Variants in ATP7B observed in about 807,000 individuals in gnomAD.
ATP7B encodes the protein ATPase copper transporting beta.
ATP7B carries 113 observed loss-of-function variants against 118.9 expected under a neutral mutation model. That is an observed-to-expected ratio of 0.95 (90% confidence interval 0.82 to 1.11). The LOEUF (loss-of-function observed/expected upper bound fraction) is 1.11. Among genes scored for constraint, ATP7B ranks in the 50% most tolerant of loss-of-function variants. The pLI, the probability that ATP7B is intolerant of heterozygous loss-of-function variation, is 0.00. For missense variants in ATP7B, 1,867 were observed against 1,871.4 expected (o/e 1.00, Z 0.04); for synonymous variants, 777 against 727.4 (o/e 1.07, Z -1.10).
rs766215788 is a variant in ATP7B at position 51,933,506 on chromosome 13, G to A, written c.*1250C>T. 1 of 152,246 alleles carries A rather than the reference G, an allele frequency of 6.6e-6. No individual in the cohort carries two copies. The highest frequency in any genetic ancestry group is 1.5e-5 in the Non-Finnish European group (1 of 68,048). The allele number at this position is 152,246 out of a possible 1,614,324, so 9.4% of individuals were successfully genotyped here. A position where few individuals can be genotyped will look rare whatever the true frequency, so the allele number is the denominator to read the frequency against. ...CCAACTCTACTAGTTTGCTCCCAAA[G>A]GGTTCTGTCAATCACAACCAACTTC... On this transcript the variant is annotated 3_prime_UTR_variant, in exon 21 of 21. Coordinates refer to ENST00000242839, the MANE Select transcript of ATP7B (RefSeq NM_000053.4).
intron 9 of ATP7B, among the ~76,000 whole-genome samples, chr13:51,953,818 G>A (rs1379160566): frequency 8.5e-6 from 1 of 117,452 alleles, no homozygotes; most frequent in Non-Finnish European, 1.7e-5. Flanking sequence ...CACTGGTCTA[G>A]ATATGATTTG....
At chr13:51,964,559 A>G (rs1275276771) in intron 5 of ATP7B, among the ~76,000 whole-genome samples, 1 of 152,202 alleles carries the variant, frequency 6.6e-6, no homozygotes, top group Non-Finnish European at 1.5e-5. Flanking sequence ...TAAAAATTAC[A>G]ATTAGGCACT....
intron 1 of ATP7B, among the ~76,000 whole-genome samples, chr13:51,999,481 C>T (rs1048200627): frequency 2.0e-5 from 3 of 152,170 alleles, no homozygotes; most frequent in Admixed American, 6.5e-5. Flanking sequence ...CTTGGCTGAA[C>T]AGTCTTGAGT....
intron 1 of ATP7B, among the ~76,000 whole-genome samples, chr13:51,981,566 G>A (rs1044978306): frequency 1.3e-5 from 2 of 152,112 alleles, no homozygotes; most frequent in East Asian, 3.9e-4. Flanking sequence ...AAATTCACAG[G>A]GGAGGGCACA....
At chr13:51,970,354 C>T in intron 3 of ATP7B, 138 bp downstream of exon 3, 1 of 1,239,916 alleles carries the variant, frequency 8.1e-7, no homozygotes, top group Non-Finnish European at 1.2e-6. Flanking sequence ...GGACATTAGA[C>T]AAACATTTAT....
Position 51,946,438 on chromosome 13 carries a change from C to A in ATP7B, c.2906G>T (p.Arg969Leu). ...KHISQTEVII[R>L]FAFQTSITVL... ...CGTGATGGACGTCTGGAAAGCAAAC[C>A]GGATGATCACCTCTGTCTGGGAGAT... is the stretch of plus-strand genomic sequence containing the variant. The change falls in exon 13 of 21, where the codon CGG becomes CTG. Residue 969 changes from arginine to leucine, a missense_variant. By Grantham distance (102) the Arg-to-Leu change is moderately radical (BLOSUM62 -2). Transcript: ENST00000242839. 6.2e-7 allele frequency: 1 copy of A among 1,614,196 alleles called. No individual in the cohort carries two copies. Among genetic ancestry groups the A allele is most frequent in the African/African-American group, 1.3e-5 (1 of 75,050 alleles).
chr13:51,975,190 T>C, intron 1 of ATP7B, 22 bp from the exon 2 acceptor site: 2 of 1,613,342 alleles, frequency 1.2e-6, no homozygotes, highest in Non-Finnish European at 1.7e-6. Context: ...AGAAATAACA[T>C]TTTTTAACCT....
chr13:51,949,535 G>A (rs1957863633), intron 12 of ATP7B, 127 bp downstream of exon 12: 1 of 1,399,028 alleles, frequency 7.1e-7, no homozygotes, highest in Non-Finnish European at 9.9e-7. Context: ...CTGTCAATAA[G>A]AGAAGCAAGC....
At position 51,960,197 on chromosome 13, in the gene ATP7B, C is replaced by A. The variant is rs1555291801; in HGVS notation, c.2072G>T (p.Gly691Val). 3.1e-6 allele frequency: 5 copies of A among 1,613,818 alleles called. No homozygotes were observed. The Admixed American group carries it at 6.7e-5, about 22-fold the overall frequency. Residue 691 changes from glycine (G) to valine (V), a missense_variant, in exon 7 of 21, where the codon GGA becomes GTA. Gly to Val is a moderately radical substitution (Grantham distance 109). Transcript: ENST00000242839. The stretch of plus-strand genomic sequence containing the variant: ...GAAGATGAGATTTAGAATGGACAGT[C>A]CTGGAATGATGTTGTGGTCCAGGAC... ...SMVLDHNIIPGLSILNLIFFI... is the reference protein window; with the variant it reads ...SMVLDHNIIPVLSILNLIFFI...
chr13:51,943,786 C>T (rs1007795449), intron 14 of ATP7B, among the ~76,000 whole-genome samples: 1 of 152,066 alleles, frequency 6.6e-6, no homozygotes, highest in African/African-American at 2.4e-5. Context: ...TGTCAAAGCA[C>T]TGAGTTTCCA....
intron 1 of ATP7B, among the ~76,000 whole-genome samples, chr13:51,998,473 TAC>T (rs1953327484): frequency 6.6e-6 from 1 of 152,254 alleles, no homozygotes; most frequent in South Asian, 2.1e-4. Context: ...TTCAATTATA[TAC>T]TGCTCAGAAT....
At chr13:52,011,136 C>A (rs1954011877) in intron 1 of ATP7B, 151 bp downstream of exon 1, 1 of 1,187,598 alleles carries the variant, frequency 8.4e-7, no homozygotes, top group Non-Finnish European at 1.2e-6. Context: ...CTAAAGGGTC[C>A]TTTTCTCCCA....
rs753843715 is a variant in ATP7B, at chr13:51,970,640, C to A, written c.1395G>T (p.Arg465Ser). The stretch of plus-strand genomic sequence containing the variant: ...TGTCCGGGGCATGGTTTGCAGGGAG[C>A]CTCCCAGTGTGGGGAGCCACTTCCT... ...SVQEVAPHTGRLPANHAPDIL... is the reference protein window; with the variant it reads ...SVQEVAPHTGSLPANHAPDIL... The change falls in exon 3 of 21, where the codon AGG (arginine) becomes AGT (serine). Residue 465 changes from arginine (R) to serine (S), a missense_variant. Arg to Ser is a moderately radical substitution (Grantham distance 110, BLOSUM62 -1). Coordinates refer to ENST00000242839, the MANE Select transcript of ATP7B (RefSeq NM_000053.4). 3 of 1,614,038 alleles carry A rather than the reference C, an allele frequency of 1.9e-6. No homozygotes were observed. Among genetic ancestry groups the A allele is most frequent in the African/African-American group, 1.3e-5 (1 of 74,928 alleles).
At chr13:51,939,535 A>G (rs1405839228) in intron 16 of ATP7B, among the ~76,000 whole-genome samples, 1 of 152,248 alleles carries the variant, frequency 6.6e-6, no homozygotes, top group Non-Finnish European at 1.5e-5. Flanking sequence ...TTCAATACAC[A>G]TTAGCTACTA....
Position 51,974,415 on chromosome 13 carries a change from T to TA in ATP7B, c.804dup (p.Lys269Ter), listed in dbSNP as rs1952004098. 1 of 1,614,004 alleles carries TA rather than the reference T, an allele frequency of 6.2e-7. No homozygotes were observed. The highest frequency in any genetic ancestry group is 8.5e-7 in the Non-Finnish European group (1 of 1,180,020). ...TCTTCAATATTCAAGACGCAAGACTTACAATGCATTCCATCTATTCTCAGT... is the reference window on the plus strand; with the variant it reads ...TCTTCAATATTCAAGACGCAAGACTTAACAATGCATTCCATCTATTCTCAGT... On this transcript the variant is annotated frameshift_variant, in exon 2 of 21. Transcript: ENST00000242839. LOFTEE classifies it high-confidence loss of function.
chr13:51,966,798 T>C lies in ATP7B; in HGVS notation c.1707+1646A>G. The C allele has an allele frequency of 1.9e-6, 3 of 1,610,976 alleles. No homozygotes were observed. The Admixed American group carries it at 5.0e-5, about 27-fold the overall frequency. Reference sequence around the variant, plus strand: ...GGCGCCTGCTGGACAGCAAAGGCTTTGATGAATACATGAAGGAGCTAGGAG... The same window carrying C: ...GGCGCCTGCTGGACAGCAAAGGCTTCGATGAATACATGAAGGAGCTAGGAG... On this transcript the variant is annotated intron_variant, in intron 4 of 20. Coordinates refer to ENST00000242839, the MANE Select transcript of ATP7B (RefSeq NM_000053.4).
In ATP7B at chr13:51,946,346, C is replaced by CG. The variant is rs1957654399; in HGVS notation, c.2997dup (p.Gly1000ArgfsTer28). The CG allele has an allele frequency of 6.2e-7, 1 of 1,611,160 alleles. No individual in the cohort carries two copies. Among genetic ancestry groups the CG allele is most frequent in the Middle Eastern group, 1.9e-4 (1 of 5,272 alleles). On this transcript the variant is annotated frameshift_variant, in exon 13 of 21. Transcript: ENST00000242839. LOFTEE classifies it high-confidence loss of function. The stretch of plus-strand genomic sequence containing the variant: ...AGGATGCCGTTCTGCGCGGCCACCC[C>CG]GGTGCCCACCATGACAGCCGTGGGC...
chr13:51,960,117 G>C (rs1188232175), intron 7 of ATP7B, 31 bp downstream of exon 7: 1 of 1,602,024 alleles, frequency 6.2e-7, no homozygotes, highest in African/African-American at 1.3e-5. Flanking sequence ...CAGCATGGAA[G>C]GGAGAGGTCT....
chr13:51,957,675 T>C, intron 8 of ATP7B, 68 bp from the exon 9 acceptor site: 1 of 1,475,524 alleles, frequency 6.8e-7, no homozygotes, highest in Non-Finnish European at 9.5e-7. Flanking sequence ...AGCCTGAGAG[T>C]CACAAGCGTG....
Sources: allele counts gnomAD v4.1 joint callset (sites outside exome capture counted in the v4.1 genomes callset), GRCh38; gene constraint gnomAD v4.1.1; transcripts MANE v1.5; gene names NCBI Gene and HGNC (gene_info 2026-07-23, HGNC 2026-07-21).